ZNF462: variants seen among roughly 807,000 people sequenced by gnomAD.
The protein encoded by ZNF462 is zinc finger protein 462.
Under a neutral mutation model 201.9 loss-of-function variants are expected in ZNF462, and 10 were observed. The observed-to-expected ratio is 0.05, with a 90% CI of 0.03 to 0.08. The LOEUF (loss-of-function observed/expected upper bound fraction) is 0.08. Among genes scored for constraint, ZNF462 ranks in the 10% least tolerant of loss-of-function variants. ZNF462 has a pLI of 1.00. For missense variants in ZNF462, 2,523 were observed against 3,168.3 expected (o/e 0.80, Z 4.89); for synonymous variants, 1,227 against 1,193.3 (o/e 1.03, Z -0.58).
At chr9:107,007,382 T>C (rs2132726752) in intron 11 of ZNF462, among the ~76,000 whole-genome samples, 1 of 152,138 alleles carries the variant, frequency 6.6e-6, no homozygotes, top group African/African-American at 2.4e-5. Context: ...TACACTGGAG[T>C]GGTTTGGCTG....
At position 106,942,242 on chromosome 9, in the gene ZNF462, G is replaced by A. The variant is rs1830906010; in HGVS notation, c.6427+3135G>A. On this transcript the variant is annotated intron_variant, in intron 7 of 12. Transcript: ENST00000277225. ...CTTGAGAGTGAGCCAGTCTTCTCTG[G>A]CAGAGGGAAACAGCCTGAAAAGGGA... 5.9e-5 allele frequency among the ~76,000 whole-genome samples: 9 copies of A among 152,296 alleles called. No homozygotes were observed. In the South Asian group the frequency reaches 1.9e-3, roughly 32 times the overall value.
In ZNF462 at chr9:106,927,785, G is replaced by C; in HGVS notation, c.3873G>C (p.Leu1291=). ...RKHIKKDHPA[L]KATVTSIMRW... The stretch of plus-strand genomic sequence containing the variant: ...ATATCAAGAAAGACCACCCCGCCCT[G>C]AAAGCCACAGTCACGTCCATCATGC... Residue 1291 remains leucine, a synonymous_variant, in exon 3 of 13, where the codon CTG becomes CTC. Transcript: ENST00000277225. 1 of 1,614,082 alleles carries C rather than the reference G, an allele frequency of 6.2e-7. No homozygotes were observed. Among genetic ancestry groups the C allele is most frequent in the Non-Finnish European group, 8.5e-7 (1 of 1,180,020 alleles).
intron 7 of ZNF462, 123 bp from the exon 8 acceptor site, chr9:106,971,882 C>T (rs1268704572): frequency 9.0e-6 from 11 of 1,222,140 alleles, no homozygotes; most frequent in East Asian, 2.4e-5. Context: ...AAACAATTTC[C>T]GTTTGTCAAT....
chr9:106,926,413 C>A lies in ZNF462; in HGVS notation c.2501C>A (p.Thr834Lys). ...GGGACTGAGCACAATAGTGAAAACA[C>A]AGACTTTGGTGACTCTGGAAGGCTT... ...IYGTEHNSEN[T>K]DFGDSGRLYY... The change falls in exon 3 of 13, where the codon ACA becomes AAA. Residue 834 changes from threonine (T) to lysine (K), a missense_variant. Physicochemically the swap from Thr to Lys is moderately conservative, Grantham distance 78 (BLOSUM62 -1). Around this residue, in one of 15 missense-constraint regions of ZNF462, gnomAD observed 383 missense variants for 453.4 expected, o/e 0.84. Coordinates refer to ENST00000277225, the MANE Select transcript of ZNF462 (RefSeq NM_021224.6). This position sits in a 1 kb window ranked among gnomAD's most constrained non-coding sequence, Gnocchi z 7.9. 1 of 1,614,186 alleles carries A rather than the reference C, an allele frequency of 6.2e-7. No homozygotes were observed. The highest frequency in any genetic ancestry group is 8.5e-7 in the Non-Finnish European group (1 of 1,180,036).
chr9:106,973,043 A>G (rs1164580712), intron 8 of ZNF462, among the ~76,000 whole-genome samples: 1 of 152,196 alleles, frequency 6.6e-6, no homozygotes, highest in Non-Finnish European at 1.5e-5. Flanking sequence ...AAATAAAGAT[A>G]ATAATAGTAC....
intron 1 of ZNF462, among the ~76,000 whole-genome samples, chr9:106,921,574 A>T (rs1410906248): frequency 6.6e-6 from 1 of 152,214 alleles, no homozygotes. Context: ...ATATCTCTTG[A>T]AAGTGTGATA....
At position 106,924,028 on chromosome 9, in the gene ZNF462, C is replaced by T. The variant is rs1301304706; in HGVS notation, c.221-105C>T. ...TCATCTTGAGACTTCAGGCCTTTTG[C>T]ATGTGATGTTTAGTAATGAAGAATA... On this transcript the variant is annotated intron_variant, in intron 2 of 12. Coordinates refer to ENST00000277225, the MANE Select transcript of ZNF462 (RefSeq NM_021224.6). The surrounding 1 kb of genome is among the most constrained non-coding windows in gnomAD (Gnocchi z 6.2). The T allele has an allele frequency of 1.3e-5, 13 of 982,822 alleles. No homozygotes were observed. Among genetic ancestry groups the T allele is most frequent in the Non-Finnish European group, 1.6e-5 (11 of 677,170 alleles). 60.9% of individuals were successfully genotyped at this position (982,822 alleles called of 1,614,324 possible).
At position 106,968,062 on chromosome 9, in the gene ZNF462, C is replaced by T. The variant is rs750270329; in HGVS notation, c.6428-3943C>T. Reference sequence around the variant, plus strand: ...TACTATGTGTTTATTGCTGAAGCAACGTTCATGTTCTTTTTGGCTCCTCTG... The same window carrying T: ...TACTATGTGTTTATTGCTGAAGCAATGTTCATGTTCTTTTTGGCTCCTCTG... On this transcript the variant is annotated intron_variant, in intron 7 of 12. Coordinates refer to ENST00000277225, the MANE Select transcript of ZNF462 (RefSeq NM_021224.6). The surrounding 1 kb of genome is among the most constrained non-coding windows in gnomAD (Gnocchi z 4.0). Among the ~76,000 whole-genome samples, 3 of 152,228 alleles carry T rather than the reference C, an allele frequency of 2.0e-5. No homozygotes were observed. Among genetic ancestry groups the T allele is most frequent in the Middle Eastern group, 3.4e-3 (1 of 294 alleles).
At position 107,013,199 on chromosome 9, in the gene ZNF462, T is replaced by C. The variant is rs1002541882; in HGVS notation, c.*2169T>C. 1 of 152,196 alleles carries C rather than the reference T, an allele frequency of 6.6e-6. No individual in the cohort carries two copies. Among genetic ancestry groups the C allele is most frequent in the Non-Finnish European group, 1.5e-5 (1 of 68,034 alleles). 9.4% of individuals were successfully genotyped at this position (152,196 alleles called of 1,614,324 possible). On this transcript the variant is annotated 3_prime_UTR_variant, in exon 13 of 13. Coordinates refer to ENST00000277225, the MANE Select transcript of ZNF462 (RefSeq NM_021224.6). ...AATAACATGTAAATATTGTAATCCA[T>C]TGGATTTTGTTTTGCTAACCTGTTA...
At chr9:106,866,953 TG>T (rs1275837189) in intron 1 of ZNF462, among the ~76,000 whole-genome samples, 1 of 152,232 alleles carries the variant, frequency 6.6e-6, no homozygotes, top group Non-Finnish European at 1.5e-5. Context: ...TTGGTTCATT[TG>T]CTCATTTCAG....
rs750192528 is a variant in ZNF462, at chr9:106,926,606, C to T, written c.2694C>T (p.Phe898=). The T allele has an allele frequency of 2.1e-5, 34 of 1,613,978 alleles. 1 individual carries two copies. The highest frequency in any genetic ancestry group is 1.2e-4 in the Admixed American group (7 of 60,002). ...CLECYIDYTN[F]EDLQQHYGEH... ...AATGCTACATCGATTACACCAACTT[C>T]GAAGATCTCCAGCAGCATTATGGCG... Residue 898 remains phenylalanine (F), a synonymous_variant, in exon 3 of 13, where the codon TTC becomes TTT. Transcript: ENST00000277225. The surrounding 1 kb of genome is among the most constrained non-coding windows in gnomAD (Gnocchi z 7.9).
intron 1 of ZNF462, among the ~76,000 whole-genome samples, chr9:106,878,132 C>T (rs1401851758): frequency 6.6e-6 from 1 of 152,182 alleles, no homozygotes; most frequent in African/African-American, 2.4e-5. Flanking sequence ...GACCTGAATT[C>T]ACTCCCCTGC....
chr9:106,928,196 T>C lies in ZNF462; in HGVS notation c.4284T>C (p.Asn1428=). Residue 1428 remains asparagine, a synonymous_variant, in exon 3 of 13, where the codon AAT becomes AAC. Coordinates refer to ENST00000277225, the MANE Select transcript of ZNF462 (RefSeq NM_021224.6). This position sits in a 1 kb window ranked among gnomAD's most constrained non-coding sequence, Gnocchi z 9.3. The part of the protein sequence containing the change: ...LSSEELAGPV[N]CENSIPTPFP... ...CCGAAGAGTTGGCAGGCCCTGTGAA[T>C]TGTGAAAACAGTATACCCACCCCTT... 1 of 1,614,088 alleles carries C rather than the reference T, an allele frequency of 6.2e-7. No individual in the cohort carries two copies.
At chr9:106,991,761 T>C (rs1245256719) in intron 10 of ZNF462, among the ~76,000 whole-genome samples, 1 of 151,406 alleles carries the variant, frequency 6.6e-6, no homozygotes, top group African/African-American at 2.4e-5. Context: ...AGGGAAAGGA[T>C]GATTTTTTTT....
intron 1 of ZNF462, among the ~76,000 whole-genome samples, chr9:106,888,288 A>G (rs1044398285): frequency 6.6e-6 from 1 of 150,784 alleles, no homozygotes; most frequent in Non-Finnish European, 1.5e-5. Context: ...TGATCCGCCC[A>G]CCTCGGCCTC....
rs1588066972 is a variant in ZNF462 at position 106,926,399 on chromosome 9, C to T, written c.2487C>T (p.His829=). The change falls in exon 3 of 13, where the codon CAC becomes CAT. Residue 829 remains histidine, a synonymous_variant. Coordinates refer to ENST00000277225, the MANE Select transcript of ZNF462 (RefSeq NM_021224.6). This position sits in a 1 kb window ranked among gnomAD's most constrained non-coding sequence, Gnocchi z 7.9. ...NTQTPIYGTE[H]NSENTDFGDS... is the part of the protein sequence containing the mutation. Reference sequence around the variant, plus strand: ...AAACTCCCATCTATGGGACTGAGCACAATAGTGAAAACACAGACTTTGGTG... The same window carrying T: ...AAACTCCCATCTATGGGACTGAGCATAATAGTGAAAACACAGACTTTGGTG... 1.2e-6 allele frequency: 2 copies of T among 1,614,166 alleles called. No individual in the cohort carries two copies. Among genetic ancestry groups the T allele is most frequent in the Non-Finnish European group, 1.7e-6 (2 of 1,180,026 alleles).
At chr9:106,990,810 A>G (rs1226727122) in intron 10 of ZNF462, among the ~76,000 whole-genome samples, 1 of 151,934 alleles carries the variant, frequency 6.6e-6, no homozygotes, top group Non-Finnish European at 1.5e-5. Context: ...TCCCTACATG[A>G]TGAGTACAAA....
At chr9:106,901,090 T>G (rs1162598421) in intron 1 of ZNF462, among the ~76,000 whole-genome samples, 6 of 152,168 alleles carry the variant, frequency 3.9e-5, no homozygotes, top group Non-Finnish European at 8.8e-5. Flanking sequence ...CCAGTTTCAT[T>G]CTCCTACAAG....
intron 10 of ZNF462, among the ~76,000 whole-genome samples, chr9:106,996,218 A>G (rs1462020556): frequency 6.6e-6 from 1 of 152,112 alleles, no homozygotes; most frequent in African/African-American, 2.4e-5. Flanking sequence ...TCTATTATTG[A>G]TGGACATTTG....
Sources: gnomAD v4.1 joint callset for allele counts (sites outside exome capture counted in the v4.1 genomes callset) on GRCh38, gnomAD v4.1.1 for gene constraint, gnomAD v4.1.1 regional missense constraint, Gnocchi (gnomAD v3.1) non-coding constraint, MANE v1.5 for transcripts, NCBI Gene and HGNC (gene_info 2026-07-23, HGNC 2026-07-21) for gene names.